The following AGBL4 variants were observed in gnomAD, a reference collection of about 807,000 sequenced individuals.
The protein encoded by AGBL4 is AGBL carboxypeptidase 4, also known as cytosolic carboxypeptidase 6.
AGBL4 carries 58 observed loss-of-function variants against 66.4 expected under a neutral mutation model. The ratio of observed to expected loss-of-function variants is 0.87; its 90% CI spans 0.71 to 1.09. The LOEUF (loss-of-function observed/expected upper bound fraction) is 1.09. Among genes scored for constraint, AGBL4 ranks in the 50% least tolerant of loss-of-function variants. The pLI, the probability that AGBL4 is intolerant of heterozygous loss-of-function variation, is 0.00. For missense variants in AGBL4, 579 were observed against 631.0 expected (o/e 0.92, Z 0.88); for synonymous variants, 234 against 222.9 (o/e 1.05, Z -0.44).
intron 1 of AGBL4, among the ~76,000 whole-genome samples, chr1:50,016,326 C>G (rs1661981021): frequency 6.6e-6 from 1 of 152,152 alleles, no homozygotes; most frequent in African/African-American, 2.4e-5. Context: ...CTTTGGGAGG[C>G]CAAGGTGGGC....
At chr1:49,194,909 C>T (rs1332614151) in intron 4 of AGBL4, among the ~76,000 whole-genome samples, 1 of 151,556 alleles carries the variant, frequency 6.6e-6, no homozygotes. Flanking sequence ...GTGATAATAG[C>T]TCACTATAGC....
intron 4 of AGBL4, among the ~76,000 whole-genome samples, chr1:49,058,411 C>T (rs1644344289): frequency 6.6e-6 from 1 of 152,190 alleles, no homozygotes; most frequent in African/African-American, 2.4e-5. Context: ...CAGCAATCCT[C>T]CTTCTTGCCA....
At chr1:48,679,842 G>T (rs319959) in intron 6 of AGBL4, among the ~76,000 whole-genome samples, 83,671 of 152,108 alleles carry the variant, frequency 0.55, 23,956 homozygotes, top group African/African-American at 0.69. Flanking sequence ...TTTGTTAGTC[G>T]CTTTTCCAAT....
At chr1:49,239,399 A>C (rs1395079866) in intron 4 of AGBL4, among the ~76,000 whole-genome samples, 1 of 152,162 alleles carries the variant, frequency 6.6e-6, no homozygotes, top group African/African-American at 2.4e-5. Context: ...AACCTATGTG[A>C]TATTTATTAT....
intron 7 of AGBL4, among the ~76,000 whole-genome samples, chr1:48,659,995 T>C (rs140893346): frequency 3.3e-5 from 5 of 152,372 alleles, no homozygotes; most frequent in African/African-American, 1.2e-4. Context: ...TTCCCAGGGT[T>C]ACATTGCAGT....
chr1:49,504,720 T>G (rs1648519985), intron 3 of AGBL4, among the ~76,000 whole-genome samples: 1 of 152,064 alleles, frequency 6.6e-6, no homozygotes, highest in Admixed American at 6.6e-5. Context: ...TCACTTTCAG[T>G]GTATCTGTGT....
chr1:49,859,789 G>T (rs945719428), intron 1 of AGBL4, among the ~76,000 whole-genome samples: 1 of 151,748 alleles, frequency 6.6e-6, no homozygotes, highest in Non-Finnish European at 1.5e-5. Context: ...AGAAATTAAA[G>T]CTGTACATAC....
intron 5 of AGBL4, among the ~76,000 whole-genome samples, chr1:48,946,629 G>C (rs1021465391): frequency 3.8e-4 from 58 of 152,124 alleles, no homozygotes; most frequent in Non-Finnish European, 7.6e-4. Flanking sequence ...ACTCTGTGTC[G>C]GGTTCCTTCC....
intron 4 of AGBL4, among the ~76,000 whole-genome samples, chr1:49,240,459 AATTATC>A (rs1315802041): frequency 6.6e-6 from 1 of 151,918 alleles, no homozygotes; most frequent in African/African-American, 2.4e-5. Flanking sequence ...TACATGCTTT[AATTATC>A]TTTGACCTAG....
intron 3 of AGBL4, among the ~76,000 whole-genome samples, chr1:49,606,910 T>TGTGGA: frequency 6.6e-6 from 1 of 152,228 alleles, no homozygotes; most frequent in Non-Finnish European, 1.5e-5. Context: ...GGCAAGGGTC[T>TGTGGA]GTGGAGGCCT....
intron 2 of AGBL4, among the ~76,000 whole-genome samples, chr1:49,750,088 C>A (rs1651328298): frequency 6.6e-6 from 1 of 152,004 alleles, no homozygotes; most frequent in African/African-American, 2.4e-5. Flanking sequence ...AAACATTAAT[C>A]CTTACTGAAA....
chr1:49,365,254 T>C (rs1475769485), intron 3 of AGBL4, among the ~76,000 whole-genome samples: 1 of 152,158 alleles, frequency 6.6e-6, no homozygotes, highest in African/African-American at 2.4e-5. Flanking sequence ...CAGACAATAC[T>C]GAGTTTGAAA....
intron 8 of AGBL4, among the ~76,000 whole-genome samples, chr1:48,649,744 C>T (rs1315687983): frequency 3.9e-5 from 6 of 152,130 alleles, no homozygotes; most frequent in Admixed American, 6.5e-5. Flanking sequence ...GACCAGCCTT[C>T]CTAGATTGGA....
intron 4 of AGBL4, among the ~76,000 whole-genome samples, chr1:49,222,321 T>C (rs1446940212): frequency 8.1e-5 from 12 of 147,680 alleles, no homozygotes; most frequent in African/African-American, 3.0e-4. Context: ...AGGTCAAAAC[T>C]AGAGGCAGGG....
At chr1:48,919,638 C>T (rs758801613) in intron 5 of AGBL4, among the ~76,000 whole-genome samples, 4 of 152,270 alleles carry the variant, frequency 2.6e-5, no homozygotes, top group Admixed American at 6.5e-5. Context: ...CAATGTGGAT[C>T]GGGTAACTCC....
intron 3 of AGBL4, among the ~76,000 whole-genome samples, chr1:49,380,601 A>G (rs1203188054): frequency 6.6e-6 from 1 of 152,164 alleles, no homozygotes; most frequent in African/African-American, 2.4e-5. Flanking sequence ...ACTATACTAC[A>G]AGGCTATAGT....
chr1:48,524,050 G>T, the AGBL4 span, among the ~76,000 whole-genome samples: 4 of 152,204 alleles, frequency 2.6e-5, no homozygotes, highest in African/African-American at 9.6e-5. Context: ...ATCATTGGCT[G>T]AAACATTGTG....
chr1:48,810,452 A>G (rs1343390700), intron 6 of AGBL4, among the ~76,000 whole-genome samples: 1 of 152,170 alleles, frequency 6.6e-6, no homozygotes, highest in Non-Finnish European at 1.5e-5. Flanking sequence ...AGGAAAGAGC[A>G]CAGGCCTCAG....
intron 3 of AGBL4, chr1:49,527,090 A>G (rs992576071): frequency 6.6e-6 from 1 of 152,142 alleles, no homozygotes; most frequent in African/African-American, 2.4e-5. Context: ...GCTAGAAACT[A>G]AAAATAATAA....
Sources: allele counts gnomAD v4.1 joint callset (sites outside exome capture counted in the v4.1 genomes callset), GRCh38; gene constraint gnomAD v4.1.1; transcripts MANE v1.5; gene names NCBI Gene and HGNC (gene_info 2026-07-23, HGNC 2026-07-21).